PELI2: variants seen among roughly 807,000 people sequenced by gnomAD.
PELI2 encodes the protein pellino E3 ubiquitin protein ligase family member 2.
In PELI2, 23 loss-of-function variants were observed where a neutral mutation model predicts 42.3. The ratio of observed to expected loss-of-function variants is 0.54; its 90% CI spans 0.39 to 0.77. The LOEUF (loss-of-function observed/expected upper bound fraction) is 0.77, where lower values mean the gene tolerates loss of function less well. Ranked by LOEUF, PELI2 falls within the 30% of genes least tolerant of loss-of-function variation. The pLI is 0.00. For missense variants in PELI2, 463 were observed against 553.2 expected (o/e 0.84, Z 1.64); for synonymous variants, 245 against 212.2 (o/e 1.15, Z -1.34).
chr14:56,195,347 G>A (rs1191209487), intron 2 of PELI2, among the ~76,000 whole-genome samples: 1 of 152,104 alleles, frequency 6.6e-6, no homozygotes, highest in Non-Finnish European at 1.5e-5. Flanking sequence ...TAGTAGGGAC[G>A]TGGGCATGGA....
chr14:56,220,158 G>A (rs114412809), intron 2 of PELI2, among the ~76,000 whole-genome samples: 2 of 152,300 alleles, frequency 1.3e-5, no homozygotes, highest in African/African-American at 4.8e-5. Context: ...CAACAGACGT[G>A]TCCCAGCTGC....
intron 2 of PELI2, among the ~76,000 whole-genome samples, chr14:56,238,640 T>G (rs942278873): frequency 8.5e-5 from 13 of 152,218 alleles, no homozygotes; most frequent in African/African-American, 2.7e-4. Context: ...TACTGTGATT[T>G]TATTTGTAAT....
intron 2 of PELI2, among the ~76,000 whole-genome samples, chr14:56,200,964 A>G (rs1886313119): frequency 6.6e-6 from 1 of 152,218 alleles, no homozygotes; most frequent in South Asian, 2.1e-4. Context: ...TTTTTAAATA[A>G]GAAAGTCACA....
chr14:56,272,094 A>C lies in PELI2; in HGVS notation c.208-7582A>C, dbSNP rs141655461. On this transcript the variant is annotated intron_variant, in intron 2 of 5. Transcript: ENST00000267460. ...GAGAGGCAGAAACAACCCTAATTAT[A>C]TCTACACACAAAGAAGACTATGCAG... 1.8e-3 allele frequency among the ~76,000 whole-genome samples: 267 copies of C among 152,308 alleles called. 1 individual carries two copies. The highest frequency in any genetic ancestry group is 3.7e-3 in the African/African-American group (155 of 41,572).
At chr14:56,133,976 A>G (rs1436782515) in intron 1 of PELI2, among the ~76,000 whole-genome samples, 1 of 152,180 alleles carries the variant, frequency 6.6e-6, no homozygotes, top group African/African-American at 2.4e-5. Flanking sequence ...TTAAGAATGT[A>G]TTATTTACTT....
intron 2 of PELI2, among the ~76,000 whole-genome samples, chr14:56,264,655 C>T (rs1289910764): frequency 1.3e-5 from 2 of 152,082 alleles, no homozygotes; most frequent in Non-Finnish European, 2.9e-5. Flanking sequence ...TACCCAGGGG[C>T]AGGAAAATGG....
chr14:56,227,209 C>T (rs573521084), intron 2 of PELI2, among the ~76,000 whole-genome samples: 9 of 152,268 alleles, frequency 5.9e-5, no homozygotes, highest in African/African-American at 1.7e-4. Flanking sequence ...GGGCACTGGG[C>T]CAGGGCAGGC....
intron 2 of PELI2, among the ~76,000 whole-genome samples, chr14:56,220,048 C>T (rs1887065507): frequency 6.6e-6 from 1 of 152,178 alleles, no homozygotes. Flanking sequence ...TGAGAATTTT[C>T]CTGTTTCACC....
At chr14:56,247,271 T>G (rs1294647414) in intron 2 of PELI2, among the ~76,000 whole-genome samples, 4 of 152,252 alleles carry the variant, frequency 2.6e-5, no homozygotes, top group African/African-American at 9.6e-5. Context: ...CCAAGATTTA[T>G]CGTGTATATT....
At chr14:56,245,168 A>T (rs117804602) in intron 2 of PELI2, among the ~76,000 whole-genome samples, 2 of 152,350 alleles carry the variant, frequency 1.3e-5, no homozygotes, top group South Asian at 4.1e-4. Context: ...ATTTTTCCAT[A>T]ATATCTGGGT....
chr14:56,161,697 A>G (rs1313557633), intron 1 of PELI2, among the ~76,000 whole-genome samples: 1 of 152,186 alleles, frequency 6.6e-6, no homozygotes, highest in Non-Finnish European at 1.5e-5. Context: ...CCCCATGCAC[A>G]TTATTTGATG....
rs75628618 is a variant in PELI2 at position 56,271,195 on chromosome 14, T to C, written c.208-8481T>C. Among the ~76,000 whole-genome samples the C allele has an allele frequency of 5.1e-3, 773 of 152,266 alleles. 12 individuals are homozygous for C. The highest frequency in any genetic ancestry group is 0.018 in the African/African-American group (743 of 41,552). On this transcript the variant is annotated intron_variant, in intron 2 of 5. Coordinates refer to ENST00000267460, the MANE Select transcript of PELI2 (RefSeq NM_021255.3). Reference sequence around the variant, plus strand: ...ACAGTGCTCGAGATGGTAAAATCATTCAGCAGTTATTTCCAGGCTGCCGCA... The same window carrying C: ...ACAGTGCTCGAGATGGTAAAATCATCCAGCAGTTATTTCCAGGCTGCCGCA...
At chr14:56,257,792 G>A (rs1220309728) in intron 2 of PELI2, among the ~76,000 whole-genome samples, 1 of 152,152 alleles carries the variant, frequency 6.6e-6, no homozygotes, top group East Asian at 1.9e-4. Flanking sequence ...CAATAACAAG[G>A]AATAAGGAAC....
At chr14:56,135,728 C>T (rs1446003120) in intron 1 of PELI2, among the ~76,000 whole-genome samples, 1 of 152,214 alleles carries the variant, frequency 6.6e-6, no homozygotes, top group African/African-American at 2.4e-5. Context: ...AAGACCAAGA[C>T]TAACAGTGTA....
At chr14:56,276,451 A>G (rs370688351) in intron 2 of PELI2, among the ~76,000 whole-genome samples, 5 of 151,932 alleles carry the variant, frequency 3.3e-5, no homozygotes, top group African/African-American at 1.2e-4. Flanking sequence ...TAGGTGCAGC[A>G]TGTTGGACCC....
At chr14:56,293,738 T>A (rs1594722160) in intron 5 of PELI2, among the ~76,000 whole-genome samples, 1 of 152,286 alleles carries the variant, frequency 6.6e-6, no homozygotes, top group Non-Finnish European at 1.5e-5. Context: ...GAAGGTACTT[T>A]CCCTCCACAG....
At chr14:56,179,730 T>C (rs1282007542) in intron 2 of PELI2, among the ~76,000 whole-genome samples, 1 of 152,128 alleles carries the variant, frequency 6.6e-6, no homozygotes, top group Admixed American at 6.5e-5. Context: ...AGGAGAAACA[T>C]TTTATACTCC....
chr14:56,181,776 A>T (rs1416613413), intron 2 of PELI2, among the ~76,000 whole-genome samples: 1 of 151,824 alleles, frequency 6.6e-6, no homozygotes, highest in Non-Finnish European at 1.5e-5. Flanking sequence ...CTATTTGTGT[A>T]GTGTTTATTC....
intron 1 of PELI2, among the ~76,000 whole-genome samples, chr14:56,159,997 T>A (rs1884700195): frequency 6.6e-6 from 1 of 151,614 alleles, no homozygotes; most frequent in African/African-American, 2.4e-5. Flanking sequence ...GTTCTTTTCA[T>A]AAACAGTTTC....
Sources: allele counts gnomAD v4.1 joint callset (sites outside exome capture counted in the v4.1 genomes callset), GRCh38; gene constraint gnomAD v4.1.1; transcripts MANE v1.5; gene names NCBI Gene and HGNC (gene_info 2026-07-23, HGNC 2026-07-21).